MCC: variants seen among roughly 807,000 people sequenced by gnomAD.
The protein encoded by MCC is MCC regulator of Wnt signaling pathway.
A neutral mutation model predicts 116.2 loss-of-function variants in MCC; 90 were observed. The observed-to-expected ratio is 0.77, with a 90% CI of 0.65 to 0.92. The LOEUF (loss-of-function observed/expected upper bound fraction) is 0.92, where lower values mean the gene tolerates loss of function less well. Among genes scored for constraint, MCC ranks in the 40% least tolerant of loss-of-function variants. MCC has a pLI of 0.00. For missense variants in MCC, 1,516 were observed against 1,312.2 expected, an observed-to-expected ratio of 1.16 and a Z score of -2.40; for synonymous variants, 578 against 510.5, an observed-to-expected ratio of 1.13 and a Z score of -1.78.
At chr5:113,078,276 A>G (rs2150239507) in intron 11 of MCC, among the ~76,000 whole-genome samples, 1 of 152,384 alleles carries the variant, frequency 6.6e-6, no homozygotes, top group Non-Finnish European at 1.5e-5. Flanking sequence ...ATCAATAGAA[A>G]AAGAGGGAAT....
intron 8 of MCC, among the ~76,000 whole-genome samples, chr5:113,099,302 G>T (rs879551357): frequency 3.3e-5 from 5 of 152,196 alleles, no homozygotes; most frequent in Non-Finnish European, 5.9e-5. Flanking sequence ...GATGTGACTG[G>T]AAGAAAGGCT....
intron 1 of MCC, among the ~76,000 whole-genome samples, chr5:113,420,898 T>A (rs1203241509): frequency 6.6e-6 from 1 of 152,196 alleles, no homozygotes; most frequent in Non-Finnish European, 1.5e-5. Context: ...ATCAAAGGAT[T>A]CTAAGCACTA....
chr5:113,330,354 T>C (rs1008680602), intron 3 of MCC, among the ~76,000 whole-genome samples: 2 of 152,208 alleles, frequency 1.3e-5, no homozygotes, highest in African/African-American at 2.4e-5. Flanking sequence ...ACATACAAAA[T>C]ACAAGAATAC....
At chr5:113,309,872 TC>T (rs940752275) in intron 3 of MCC, among the ~76,000 whole-genome samples, 65 of 147,016 alleles carry the variant, frequency 4.4e-4, no homozygotes, top group Admixed American at 1.7e-3. Flanking sequence ...CTCTCGCCCT[TC>T]CCCCCTTCCT....
rs940002185 is a variant in MCC, at chr5:113,356,542, A to G, written c.416-15812T>C. Among the ~76,000 whole-genome samples the G allele has an allele frequency of 2.0e-5, 3 of 152,066 alleles. No individual in the cohort carries two copies. In the East Asian group the frequency reaches 5.8e-4, roughly 29 times the overall value. ...CAAGTGGCAATTTGACATATTTGTA[A>G]AACATACCACTGGGAAAATCCTGCT... On this transcript the variant is annotated intron_variant, in intron 2 of 18. Transcript: ENST00000408903.
rs56312844 is a variant in MCC, at chr5:113,461,744, TAAA to T, written c.170+26498_170+26500del. The stretch of plus-strand genomic sequence containing the variant: ...TTTAAGGATGAACAACTTGCACCAG[TAAA>T]AAAAAAAAAAAAAAAAAAAAATTCT... On this transcript the variant is annotated intron_variant, in intron 1 of 18. Coordinates refer to ENST00000408903, the MANE Select transcript of MCC (RefSeq NM_001085377.2). Among the ~76,000 whole-genome samples, 974 of 118,800 alleles carry T rather than the reference TAAA, an allele frequency of 8.2e-3. 6 individuals are homozygous for T. The highest frequency in any genetic ancestry group is 0.014 in the African/African-American group (455 of 31,798). The allele number at this position is 118,800 out of a possible 152,430, so 77.9% of individuals were successfully genotyped here.
chr5:113,059,279 G>C (rs1300050429), intron 14 of MCC, among the ~76,000 whole-genome samples: 13 of 152,190 alleles, frequency 8.5e-5, no homozygotes, highest in Non-Finnish European at 1.9e-4. Flanking sequence ...CCCTTCTCCT[G>C]CTTCCAGGAC....
chr5:113,074,410 A>T (rs1028897053), intron 11 of MCC, among the ~76,000 whole-genome samples: 13 of 152,276 alleles, frequency 8.5e-5, no homozygotes, highest in African/African-American at 3.1e-4. Flanking sequence ...AAAGGTAGAT[A>T]AAACCACAAA....
At chr5:113,444,319 G>C (rs573530067) in intron 1 of MCC, among the ~76,000 whole-genome samples, 2 of 152,220 alleles carry the variant, frequency 1.3e-5, no homozygotes, top group Middle Eastern at 3.4e-3. Context: ...ATGAAAGTAA[G>C]GGATAAGAAG....
chr5:113,335,432 G>C (rs1487913922), intron 3 of MCC, among the ~76,000 whole-genome samples: 1 of 151,662 alleles, frequency 6.6e-6, no homozygotes, highest in Non-Finnish European at 1.5e-5. Flanking sequence ...ATAGCTCACA[G>C]AATTTATCTA....
rs141130076 is a variant in MCC at position 113,229,524 on chromosome 5, A to C, written c.628-78102T>G. Among the ~76,000 whole-genome samples the C allele has an allele frequency of 3.9e-3, 594 of 152,294 alleles. 3 individuals are homozygous for C. Among genetic ancestry groups the C allele is most frequent in the African/African-American group, 0.01 (430 of 41,568 alleles). The stretch of plus-strand genomic sequence containing the variant: ...GTCAGCAAAAGTGATCCTCCTGAGG[A>C]TTACTGGCCCAAACTTTTCTAATGC... On this transcript the variant is annotated intron_variant, in intron 3 of 18. Transcript: ENST00000408903.
intron 1 of MCC, chr5:113,432,709 T>C (rs1015597689): frequency 2.0e-5 from 3 of 152,224 alleles, no homozygotes; most frequent in African/African-American, 7.2e-5. Context: ...TATTAGCTGA[T>C]TCGTTTGTCC....
At chr5:113,315,260 A>G (rs1767249401) in intron 3 of MCC, among the ~76,000 whole-genome samples, 1 of 152,142 alleles carries the variant, frequency 6.6e-6, no homozygotes. Context: ...CAAATTCCTA[A>G]CAGTATCCAT....
rs999822071 is a variant in MCC, at chr5:113,278,937, G to C, written c.627+61582C>G. 5.3e-5 allele frequency among the ~76,000 whole-genome samples: 8 copies of C among 152,126 alleles called. No homozygotes were observed. The East Asian group carries it at 1.3e-3, about 26-fold the overall frequency. On this transcript the variant is annotated intron_variant, in intron 3 of 18. Transcript: ENST00000408903. ...ACAAATCAAGTGTCTCTTTTTGCAA[G>C]CTGGCCTTTTCCAAATATTAACATG...
intron 3 of MCC, among the ~76,000 whole-genome samples, chr5:113,214,862 T>C (rs1193741013): frequency 1.3e-5 from 2 of 152,186 alleles, no homozygotes; most frequent in African/African-American, 4.8e-5. Flanking sequence ...AAAGCCCACA[T>C]TGCAATGCCA....
intron 2 of MCC, among the ~76,000 whole-genome samples, chr5:113,342,934 A>G (rs949364058): frequency 5.9e-5 from 9 of 152,214 alleles, no homozygotes. Flanking sequence ...AGCAGTAAGC[A>G]TGAGAAATTA....
chr5:113,466,237 G>A (rs13355823), intron 1 of MCC, among the ~76,000 whole-genome samples: 1,615 of 151,638 alleles, frequency 0.011, 16 homozygotes, highest in Non-Finnish European at 0.018. Context: ...CAACGTGCAG[G>A]TTTGTTACAT....
intron 16 of MCC, among the ~76,000 whole-genome samples, chr5:113,045,287 G>A (rs1751995248): frequency 6.6e-6 from 1 of 152,164 alleles, no homozygotes. Flanking sequence ...GAATCCAGCT[G>A]TGCTAGTTGG....
intron 3 of MCC, among the ~76,000 whole-genome samples, chr5:113,287,903 T>C (rs377265401): frequency 7.2e-5 from 11 of 152,366 alleles, no homozygotes; most frequent in African/African-American, 2.6e-4. Context: ...AGCTTCCCAA[T>C]TGGTCAAAGC....
Sources: gnomAD v4.1 joint callset for allele counts (sites outside exome capture counted in the v4.1 genomes callset) on GRCh38, gnomAD v4.1.1 for gene constraint, MANE v1.5 for transcripts, NCBI Gene and HGNC (gene_info 2026-07-23, HGNC 2026-07-21) for gene names.